Variants in FCHSD2 observed in about 807,000 individuals in gnomAD.
FCHSD2 encodes FCH and double SH3 domains 2.
In FCHSD2, 38 loss-of-function variants were observed where a neutral mutation model predicts 108.1. The observed-to-expected ratio is 0.35, with a 90% confidence interval of 0.27 to 0.46. The LOEUF (loss-of-function observed/expected upper bound fraction) is 0.46, where lower values mean the gene tolerates loss of function less well. Ranked by LOEUF, FCHSD2 falls within the 20% of genes least tolerant of loss-of-function variation. FCHSD2 has a pLI of 1.00. For synonymous variants in FCHSD2, 279 were observed against 314.7 expected (o/e 0.89, Z 1.20); for missense variants, 751 against 897.8 (o/e 0.84, Z 2.09).
chr11:73,029,746 G>C (rs1218457735), intron 3 of FCHSD2, among the ~76,000 whole-genome samples: 1 of 152,014 alleles, frequency 6.6e-6, no homozygotes, highest in African/African-American at 2.4e-5. Flanking sequence ...CCCACCTTTT[G>C]AGAACCACAC....
At position 72,849,861 on chromosome 11, in the gene FCHSD2, CCTT is replaced by C. The variant is rs1198471598; in HGVS notation, c.1334_1336del (p.Glu445del). On this transcript the variant is annotated inframe_deletion, in exon 14 of 20. Coordinates refer to ENST00000409418, the MANE Select transcript of FCHSD2 (RefSeq NM_014824.3). ...ATCCATGTTATCTTCAAACTCTTCG[CCTT>C]CTTCTCTTTCGGTATCTGCATTAAG... The C allele has an allele frequency of 3.7e-6, 6 of 1,613,328 alleles. No homozygotes were observed. In the East Asian group the frequency reaches 1.3e-4, roughly 36 times the overall value.
At chr11:72,922,769 G>A (rs185820432) in intron 8 of FCHSD2, among the ~76,000 whole-genome samples, 2 of 152,206 alleles carry the variant, frequency 1.3e-5, no homozygotes, top group East Asian at 1.9e-4. Context: ...CCAATCAGTA[G>A]AGGTAAAAAT....
intron 4 of FCHSD2, among the ~76,000 whole-genome samples, chr11:73,009,724 A>G (rs1857821191): frequency 6.7e-6 from 1 of 149,564 alleles, no homozygotes; most frequent in Non-Finnish European, 1.5e-5. Flanking sequence ...ATATCATACC[A>G]TTCTCTCTTG....
At chr11:73,113,643 G>C (rs1262545229) in intron 2 of FCHSD2, among the ~76,000 whole-genome samples, 1 of 152,134 alleles carries the variant, frequency 6.6e-6, no homozygotes, top group Non-Finnish European at 1.5e-5. Flanking sequence ...GGTATTTATT[G>C]TAGTCGTCAT....
chr11:72,914,009 C>CTATT (rs557391974), intron 9 of FCHSD2, among the ~76,000 whole-genome samples: 4,615 of 151,786 alleles, frequency 0.03, 66 homozygotes, highest in African/African-American at 0.04. Context: ...CTGCCTTAAG[C>CTATT]TATTTATTTA....
intron 5 of FCHSD2, among the ~76,000 whole-genome samples, chr11:72,994,589 C>G (rs1857486375): frequency 6.6e-6 from 1 of 151,972 alleles, no homozygotes. Context: ...CACGGTGAAA[C>G]CCCGTCTCTA....
intron 2 of FCHSD2, among the ~76,000 whole-genome samples, chr11:73,097,748 T>C (rs1860125778): frequency 6.6e-6 from 1 of 152,094 alleles, no homozygotes; most frequent in Non-Finnish European, 1.5e-5. Flanking sequence ...AATTATCTAA[T>C]TTTTGAAGAA....
Position 73,029,396 on chromosome 11 carries a change from C to A in FCHSD2, c.166-13511G>T, listed in dbSNP as rs553435137. 2.6e-5 allele frequency among the ~76,000 whole-genome samples: 4 copies of A among 152,282 alleles called. No individual in the cohort carries two copies. The South Asian group carries it at 6.2e-4, about 24-fold the overall frequency. ...TAGAAGCCACTGTGGACTTGCAACT[C>A]CCAGAGAAAGATTTGGAGAGTAAAT... On this transcript the variant is annotated intron_variant, in intron 3 of 19. Coordinates refer to ENST00000409418, the MANE Select transcript of FCHSD2 (RefSeq NM_014824.3).
At chr11:73,123,573 G>A (rs1303856583) in intron 2 of FCHSD2, among the ~76,000 whole-genome samples, 2 of 152,140 alleles carry the variant, frequency 1.3e-5, no homozygotes, top group Non-Finnish European at 2.9e-5. Context: ...ATCTATATTT[G>A]AATAAGCTAT....
intron 3 of FCHSD2, among the ~76,000 whole-genome samples, chr11:73,035,253 C>T (rs900791641): frequency 2.0e-5 from 3 of 152,088 alleles, no homozygotes; most frequent in African/African-American, 7.2e-5. Context: ...AGCGCAGTGG[C>T]GCGATCTTGG....
At chr11:72,969,018 T>A (rs562957319) in intron 8 of FCHSD2, among the ~76,000 whole-genome samples, 37 of 152,358 alleles carry the variant, frequency 2.4e-4, no homozygotes, top group African/African-American at 8.9e-4. Context: ...TACACACATA[T>A]ATACATATGC....
intron 8 of FCHSD2, among the ~76,000 whole-genome samples, chr11:72,966,377 C>CT (rs1421820037): frequency 6.6e-6 from 1 of 152,132 alleles, no homozygotes; most frequent in Non-Finnish European, 1.5e-5. Context: ...CCAGGCTGGT[C>CT]TTGAACTCCT....
At position 73,141,841 on chromosome 11, in the gene FCHSD2, C is replaced by A. The variant is rs1163056702; in HGVS notation, c.21+16G>T. ...GCATCTCTCCGAACCCCAAAGCCCC[C>A]CAGCTGCGCCCTTACCTTCCTCGGC... On this transcript the variant is annotated intron_variant, in intron 1 of 19. Transcript: ENST00000409418. 6.5e-7 allele frequency: 1 copy of A among 1,543,692 alleles called. No homozygotes were observed. The highest frequency in any genetic ancestry group is 1.4e-5 in the African/African-American group (1 of 72,678).
intron 8 of FCHSD2, among the ~76,000 whole-genome samples, chr11:72,938,085 C>T (rs745741726): frequency 6.6e-6 from 1 of 152,050 alleles, no homozygotes; most frequent in Non-Finnish European, 1.5e-5. Flanking sequence ...ACATCCCCAG[C>T]ACCCTCAATG....
chr11:72,940,732 G>A (rs1188178038), intron 8 of FCHSD2: 1 of 871,360 alleles, frequency 1.1e-6, no homozygotes, highest in South Asian at 1.3e-5. Context: ...TCCTAAGGGT[G>A]CAACTAATGG....
intron 4 of FCHSD2, 35 bp downstream of exon 4, chr11:73,015,774 T>C (rs1189331947): frequency 2.9e-6 from 4 of 1,379,968 alleles, no homozygotes; most frequent in Non-Finnish European, 4.1e-6. Flanking sequence ...AGTAAAACCG[T>C]TTCTAAAGAA....
intron 7 of FCHSD2, 104 bp from the exon 8 acceptor site, chr11:72,984,320 T>C: frequency 9.7e-7 from 1 of 1,033,538 alleles, no homozygotes; most frequent in Non-Finnish European, 1.5e-6. Flanking sequence ...CCAACAAGAA[T>C]AAAGGTAACC....
chr11:73,134,049 A>G (rs907875708), intron 2 of FCHSD2, among the ~76,000 whole-genome samples: 1 of 151,930 alleles, frequency 6.6e-6, no homozygotes, highest in Non-Finnish European at 1.5e-5. Context: ...TATGATATAC[A>G]GTCACATCAT....
chr11:73,006,830 T>C (rs1361069335), intron 4 of FCHSD2, among the ~76,000 whole-genome samples: 1 of 152,244 alleles, frequency 6.6e-6, no homozygotes, highest in African/African-American at 2.4e-5. Context: ...GCACAGGGTA[T>C]GGCATAGCAG....
Sources: gnomAD v4.1 joint callset for allele counts (sites outside exome capture counted in the v4.1 genomes callset) on GRCh38, gnomAD v4.1.1 for gene constraint, MANE v1.5 for transcripts, NCBI Gene and HGNC (gene_info 2026-07-23, HGNC 2026-07-21) for gene names.